The following NELL2 variants were observed in gnomAD, a reference collection of about 807,000 sequenced individuals.
NELL2 encodes the protein protein kinase C-binding protein NELL2.
NELL2 carries 41 observed loss-of-function variants against 109.6 expected under a neutral mutation model. The ratio of observed to expected loss-of-function variants is 0.37; its 90% CI spans 0.29 to 0.49. NELL2 has a LOEUF of 0.49. Among genes scored for constraint, NELL2 ranks in the 20% least tolerant of loss-of-function variants. NELL2 has a pLI of 0.98. For synonymous variants in NELL2, 355 were observed against 344.7 expected (o/e 1.03, Z -0.33); for missense variants, 900 against 1,008.3 (o/e 0.89, Z 1.45).
intron 13 of NELL2, among the ~76,000 whole-genome samples, chr12:44,646,915 T>C (rs1947115444): frequency 6.6e-6 from 1 of 152,182 alleles, no homozygotes; most frequent in South Asian, 2.1e-4. Context: ...CTAGCTTCGG[T>C]TTCCTCATAC....
chr12:44,909,963 A>C (rs1269696474), intron 1 of NELL2, among the ~76,000 whole-genome samples: 1 of 151,884 alleles, frequency 6.6e-6, no homozygotes, highest in Non-Finnish European at 1.5e-5. Context: ...ATCTTTTACC[A>C]CATACAAAAA....
intron 2 of NELL2, among the ~76,000 whole-genome samples, chr12:44,869,074 A>T (rs1945091223): frequency 6.6e-6 from 1 of 152,218 alleles, no homozygotes; most frequent in African/African-American, 2.4e-5. Flanking sequence ...CTCATCATCC[A>T]AATCATCTAA....
intron 12 of NELL2, among the ~76,000 whole-genome samples, chr12:44,684,204 A>AT (rs1185088940): frequency 1.3e-5 from 2 of 152,168 alleles, no homozygotes; most frequent in African/African-American, 4.8e-5. Context: ...GTTTATTTGC[A>AT]TAGACGTGTT....
intron 16 of NELL2, among the ~76,000 whole-genome samples, chr12:44,525,868 A>G (rs1028591608): frequency 6.6e-6 from 1 of 152,216 alleles, no homozygotes; most frequent in South Asian, 2.1e-4. Flanking sequence ...TACATTCTCT[A>G]GGTTTGGCAA....
intron 12 of NELL2, among the ~76,000 whole-genome samples, chr12:44,688,000 T>A (rs1245846637): frequency 6.6e-6 from 1 of 152,188 alleles, no homozygotes; most frequent in Non-Finnish European, 1.5e-5. Context: ...AATTTCTCTC[T>A]AATATTAATA....
At chr12:44,567,348 T>G (rs969945787) in intron 15 of NELL2, among the ~76,000 whole-genome samples, 2 of 152,198 alleles carry the variant, frequency 1.3e-5, no homozygotes, top group Admixed American at 1.3e-4. Flanking sequence ...GTAAAAACTA[T>G]GATCAAATAG....
chr12:44,814,041 G>A (rs1943258515), intron 3 of NELL2, among the ~76,000 whole-genome samples: 1 of 152,180 alleles, frequency 6.6e-6, no homozygotes. Context: ...GTCAGAGTGT[G>A]TACAGTTAAG....
chr12:44,694,611 T>G (rs947868070), intron 12 of NELL2, among the ~76,000 whole-genome samples: 1 of 152,054 alleles, frequency 6.6e-6, no homozygotes, highest in South Asian at 2.1e-4. Context: ...AGACTTTTTT[T>G]TTTTTATTTA....
intron 9 of NELL2, among the ~76,000 whole-genome samples, chr12:44,766,953 A>C (rs1941358461): frequency 6.6e-6 from 1 of 152,242 alleles, no homozygotes; most frequent in African/African-American, 2.4e-5. Flanking sequence ...CAAGGATTTT[A>C]ATAATGAAGA....
rs966583158 is a variant in NELL2 at position 44,752,703 on chromosome 12, A to C, written c.994+22044T>G. The stretch of plus-strand genomic sequence containing the variant: ...CCCTAAATATGTTCCCCAACTTCCT[A>C]CCTTTAGACTGCATCCTTGTCTCCT... On this transcript the variant is annotated intron_variant, in intron 9 of 19. Transcript: ENST00000429094. Among the ~76,000 whole-genome samples, 8 of 151,998 alleles carry C rather than the reference A, an allele frequency of 5.3e-5. No individual in the cohort carries two copies. The East Asian group carries it at 1.2e-3, about 22-fold the overall frequency.
At chr12:44,553,746 G>T (rs1329673073) in intron 15 of NELL2, among the ~76,000 whole-genome samples, 1 of 151,976 alleles carries the variant, frequency 6.6e-6, no homozygotes, top group African/African-American at 2.4e-5. Context: ...CAAAAAGTAG[G>T]GTGTTTTTGA....
At chr12:44,750,438 T>C (rs1412358434) in intron 9 of NELL2, among the ~76,000 whole-genome samples, 3 of 152,310 alleles carry the variant, frequency 2.0e-5, no homozygotes, top group African/African-American at 4.8e-5. Context: ...ATGGGCTTTA[T>C]AAGGCTTTCA....
intron 1 of NELL2, among the ~76,000 whole-genome samples, chr12:44,891,273 G>A (rs1353108428): frequency 1.3e-5 from 2 of 152,148 alleles, no homozygotes; most frequent in East Asian, 1.9e-4. Flanking sequence ...CAAATAGACT[G>A]GCACCCAGAA....
At chr12:44,761,389 A>G (rs181119468) in intron 9 of NELL2, among the ~76,000 whole-genome samples, 31 of 152,288 alleles carry the variant, frequency 2.0e-4, no homozygotes, top group East Asian at 1.9e-4. Flanking sequence ...AAACAAACAA[A>G]CAAAATTAAA....
At chr12:44,734,638 A>C (rs1037350616) in intron 9 of NELL2, among the ~76,000 whole-genome samples, 4 of 151,954 alleles carry the variant, frequency 2.6e-5, no homozygotes, top group Non-Finnish European at 5.9e-5. Context: ...CTTTTCTTAA[A>C]TAATAAAAAA....
intron 1 of NELL2, among the ~76,000 whole-genome samples, chr12:44,903,760 C>T (rs952197211): frequency 4.0e-5 from 6 of 151,860 alleles, no homozygotes; most frequent in Admixed American, 2.0e-4. Context: ...AAGCTGGAAA[C>T]GATCATTCTC....
intron 3 of NELL2, among the ~76,000 whole-genome samples, chr12:44,796,283 A>T (rs1467171295): frequency 6.6e-6 from 1 of 152,130 alleles, no homozygotes; most frequent in Non-Finnish European, 1.5e-5. Context: ...TTTTAACTTA[A>T]CTAAGTATGA....
intron 13 of NELL2, among the ~76,000 whole-genome samples, chr12:44,622,933 GA>G: frequency 6.6e-6 from 1 of 152,206 alleles, no homozygotes; most frequent in Middle Eastern, 3.4e-3. Context: ...GATAAAACAG[GA>G]AGAAGCATAT....
intron 10 of NELL2, among the ~76,000 whole-genome samples, chr12:44,713,225 C>G (rs12821611): frequency 0.012 from 1,561 of 127,440 alleles, 27 homozygotes; most frequent in African/African-American, 0.055. Context: ...CAGAGAGAGA[C>G]AGAGAGAGAG....
Sources: gnomAD v4.1 joint callset for allele counts (sites outside exome capture counted in the v4.1 genomes callset) on GRCh38, gnomAD v4.1.1 for gene constraint, MANE v1.5 for transcripts, NCBI Gene and HGNC (gene_info 2026-07-23, HGNC 2026-07-21) for gene names.